Variants in AGBL4 observed in about 807,000 individuals in gnomAD.
AGBL4 encodes AGBL carboxypeptidase 4.
In AGBL4, 58 loss-of-function variants were observed where a neutral mutation model predicts 66.4. That is an observed-to-expected ratio of 0.87 (90% CI 0.71 to 1.09). The LOEUF is 1.09. AGBL4 is among the 50% of genes least tolerant of loss of function. The pLI is 0.00. For synonymous variants in AGBL4, 234 were observed against 222.9 expected (o/e 1.05, Z -0.44); for missense variants, 579 against 631.0 (o/e 0.92, Z 0.88).
chr1:49,184,111 G>T (rs1364092368), intron 4 of AGBL4, among the ~76,000 whole-genome samples: 1 of 152,094 alleles, frequency 6.6e-6, no homozygotes, highest in Non-Finnish European at 1.5e-5. Context: ...ACATTTACAA[G>T]GTGCCAGATG....
intron 3 of AGBL4, among the ~76,000 whole-genome samples, chr1:49,371,833 G>GTA (rs1166135713): frequency 6.8e-6 from 1 of 147,734 alleles, no homozygotes; most frequent in East Asian, 2.1e-4. Flanking sequence ...GTGTGTGTGT[G>GTA]TGTGTGTGTG....
chr1:49,212,590 C>A (rs1358350315), intron 4 of AGBL4, among the ~76,000 whole-genome samples: 2 of 152,120 alleles, frequency 1.3e-5, no homozygotes, highest in Non-Finnish European at 2.9e-5. Context: ...TAAGGAAAAC[C>A]TTTAATTATA....
chr1:50,020,686 T>A (rs1172830597), intron 1 of AGBL4, among the ~76,000 whole-genome samples: 1 of 152,196 alleles, frequency 6.6e-6, no homozygotes, highest in African/African-American at 2.4e-5. Flanking sequence ...TTCTACTAAT[T>A]CTTTGCAGAT....
At chr1:49,130,450 T>C (rs1157456103) in intron 4 of AGBL4, among the ~76,000 whole-genome samples, 1 of 152,212 alleles carries the variant, frequency 6.6e-6, no homozygotes, top group Non-Finnish European at 1.5e-5. Context: ...GTTTTAGGTC[T>C]AACGTTTAAG....
At chr1:48,616,150 C>A (rs893809365) in intron 9 of AGBL4, among the ~76,000 whole-genome samples, 3 of 152,154 alleles carry the variant, frequency 2.0e-5, no homozygotes, top group Admixed American at 6.5e-5. Flanking sequence ...CTTGAACTGG[C>A]AATATCAGCA....
At chr1:49,559,401 A>G (rs1170330817) in intron 3 of AGBL4, among the ~76,000 whole-genome samples, 2 of 152,150 alleles carry the variant, frequency 1.3e-5, no homozygotes, top group African/African-American at 4.8e-5. Context: ...TACAGCTTAA[A>G]TTATGTGATG....
intron 3 of AGBL4, among the ~76,000 whole-genome samples, chr1:49,584,691 G>T (rs1054936358): frequency 1.3e-5 from 2 of 152,138 alleles, no homozygotes; most frequent in African/African-American, 4.8e-5. Context: ...ATGAAATCAG[G>T]TTCAAGACCT....
At chr1:49,402,734 A>C (rs993424545) in intron 3 of AGBL4, among the ~76,000 whole-genome samples, 2 of 151,926 alleles carry the variant, frequency 1.3e-5, no homozygotes, top group South Asian at 4.2e-4. Context: ...CATCTGGCTA[A>C]TTTTGTATTT....
At position 49,887,655 on chromosome 1, in the gene AGBL4, A is replaced by C. The variant is rs530547543; in HGVS notation, c.35-36137T>G. Reference sequence around the variant, plus strand: ...AAAATGGACAATTAATTGAAGAATTAAGATTGTCCAATAAAACTGGACAGC... The same window carrying C: ...AAAATGGACAATTAATTGAAGAATTCAGATTGTCCAATAAAACTGGACAGC... On this transcript the variant is annotated intron_variant, in intron 1 of 13. Transcript: ENST00000371839. Among the ~76,000 whole-genome samples, 7 of 152,292 alleles carry C rather than the reference A, an allele frequency of 4.6e-5. No homozygotes were observed. The East Asian group carries it at 1.3e-3, about 29-fold the overall frequency.
At chr1:50,016,310 G>A (rs751621864) in intron 1 of AGBL4, among the ~76,000 whole-genome samples, 3 of 152,060 alleles carry the variant, frequency 2.0e-5, no homozygotes, top group East Asian at 1.9e-4. Context: ...GCCTGTAATC[G>A]TATCACTTTG....
chr1:48,629,783 A>T (rs1241983709), intron 9 of AGBL4, among the ~76,000 whole-genome samples: 1 of 152,216 alleles, frequency 6.6e-6, no homozygotes, highest in Non-Finnish European at 1.5e-5. Flanking sequence ...GGTTGCAGGG[A>T]AATCTCTGTC....
At chr1:49,000,729 T>C (rs554443883) in intron 5 of AGBL4, among the ~76,000 whole-genome samples, 1 of 152,240 alleles carries the variant, frequency 6.6e-6, no homozygotes, top group Admixed American at 6.5e-5. Flanking sequence ...AACTCTAGAG[T>C]ACCTGAAGTG....
intron 3 of AGBL4, among the ~76,000 whole-genome samples, chr1:49,640,267 T>C (rs771871861): frequency 1.3e-5 from 2 of 152,188 alleles, no homozygotes; most frequent in African/African-American, 2.4e-5. Context: ...AGAACATTGT[T>C]GCCAAGGTGA....
chr1:49,950,736 G>T (rs1213064391), intron 1 of AGBL4, among the ~76,000 whole-genome samples: 1 of 151,606 alleles, frequency 6.6e-6, no homozygotes, highest in Non-Finnish European at 1.5e-5. Flanking sequence ...CCTGGCAAGG[G>T]TATCCAAAAG....
chr1:49,391,022 G>A (rs2148591696), intron 3 of AGBL4, among the ~76,000 whole-genome samples: 1 of 152,282 alleles, frequency 6.6e-6, no homozygotes, highest in East Asian at 1.9e-4. Context: ...ATGAGTGGAA[G>A]AGGAAGATGA....
intron 3 of AGBL4, among the ~76,000 whole-genome samples, chr1:49,552,962 G>A (rs1211613966): frequency 6.6e-6 from 1 of 151,936 alleles, no homozygotes; most frequent in African/African-American, 2.4e-5. Flanking sequence ...ATTTGTATTA[G>A]GCACTAGAAT....
At chr1:48,561,941 C>T (rs1644402865) in intron 11 of AGBL4, among the ~76,000 whole-genome samples, 1 of 152,124 alleles carries the variant, frequency 6.6e-6, no homozygotes, top group Non-Finnish European at 1.5e-5. Context: ...TGTCTTTATG[C>T]ATATAATCTC....
intron 1 of AGBL4, among the ~76,000 whole-genome samples, chr1:50,019,488 T>C (rs1662283140): frequency 6.6e-6 from 1 of 151,996 alleles, no homozygotes; most frequent in African/African-American, 2.4e-5. Context: ...GCTTAACTAT[T>C]ACTTTGTCCA....
At chr1:48,878,204 A>G (rs1398541640) in intron 5 of AGBL4, among the ~76,000 whole-genome samples, 4 of 152,146 alleles carry the variant, frequency 2.6e-5, no homozygotes, top group Admixed American at 2.6e-4. Context: ...TAAGTGTTCA[A>G]TAACATCTTT....
Sources: gnomAD v4.1 joint callset for allele counts (sites outside exome capture counted in the v4.1 genomes callset) on GRCh38, gnomAD v4.1.1 for gene constraint, MANE v1.5 for transcripts, NCBI Gene and HGNC (gene_info 2026-07-23, HGNC 2026-07-21) for gene names.